The following ABCC11 variants were observed in gnomAD, a reference collection of about 807,000 sequenced individuals.
ABCC11 encodes the protein ATP binding cassette subfamily C member 11.
Under a neutral mutation model 149.3 loss-of-function variants are expected in ABCC11, and 135 were observed. The observed-to-expected ratio is 0.90, with a 90% CI of 0.79 to 1.04. ABCC11 has a LOEUF of 1.04. Ranked by LOEUF, ABCC11 falls within the 50% of genes least tolerant of loss-of-function variation. The probability of loss-of-function intolerance (pLI) is 0.00; values close to 1 mark genes in which losing one functional copy is unlikely to be tolerated. For missense variants in ABCC11, 1,680 were observed against 1,722.1 expected (o/e 0.98, Z 0.43); for synonymous variants, 665 against 671.4 (o/e 0.99, Z 0.15).
rs1231194540 is a variant in ABCC11 at position 48,216,113 on chromosome 16, C to T, written c.951+1G>A. The T allele has an allele frequency of 4.3e-6, 7 of 1,613,368 alleles. No homozygotes were observed. The Admixed American group carries it at 1.2e-4, about 27-fold the overall frequency. On this transcript the variant is annotated splice_donor_variant, in intron 7 of 29. Transcript: ENST00000356608. LOFTEE classifies it high-confidence loss of function. The stretch of plus-strand genomic sequence containing the variant: ...AAATGGGTGACAGAGAAAGACATTA[C>T]CGCCAGTGGGAAAACCAGGAGATAG...
intron 6 of ABCC11, 37 bp from the exon 7 acceptor site, chr16:48,216,324 TC>T: frequency 6.3e-7 from 1 of 1,596,738 alleles, no homozygotes; most frequent in South Asian, 1.1e-5. Flanking sequence ...AGATGTCACC[TC>T]CCTGGGTACA....
chr16:48,188,894 CAAAG>C (rs1200784424), intron 20 of ABCC11, among the ~76,000 whole-genome samples: 1 of 152,110 alleles, frequency 6.6e-6, no homozygotes, highest in Non-Finnish European at 1.5e-5. Flanking sequence ...AAGCCAAACT[CAAAG>C]AAAGAGGAGG....
chr16:48,167,131 T>TC lies in ABCC11; in HGVS notation c.*142dup. 73 of 595,578 alleles carry TC rather than the reference T, an allele frequency of 1.2e-4. No individual in the cohort carries two copies. The highest frequency in any genetic ancestry group is 2.8e-4 in the South Asian group (16 of 56,356). 36.9% of individuals were successfully genotyped at this position (595,578 alleles called of 1,614,324 possible). A position where few individuals can be genotyped will look rare whatever the true frequency, so the allele number is the denominator to read the frequency against. ...CTATTCCAGGGTTTCCATCCAGCAA[T>TC]CCCCACCCCCCCTACATTTACCCCT... On this transcript the variant is annotated 3_prime_UTR_variant, in exon 30 of 30. Transcript: ENST00000356608.
chr16:48,200,285 G>C lies in ABCC11; in HGVS notation c.2073C>G (p.His691Gln). ...LRGKTVVLVT[H>Q]QLQYLEFCGQ... ...CTGGAAGGGTGCTAACCTGCAGCTG[G>C]TGGGTCACCAGGACGACCGTCTTCC... Residue 691 changes from histidine (H) to glutamine (Q), a missense_variant, in exon 15 of 30, where the codon CAC (histidine) becomes CAG (glutamine). Transcript: ENST00000356608. 6.2e-7 allele frequency: 1 copy of C among 1,614,166 alleles called. No homozygotes were observed. The highest frequency in any genetic ancestry group is 8.5e-7 in the Non-Finnish European group (1 of 1,180,010).
At chr16:48,180,216 G>A (rs1966342751) in intron 23 of ABCC11, among the ~76,000 whole-genome samples, 1 of 152,246 alleles carries the variant, frequency 6.6e-6, no homozygotes, top group African/African-American at 2.4e-5. Flanking sequence ...GTTGAAGGAT[G>A]AGAAGGCATC....
chr16:48,229,955 ATTC>A (rs1195017093), intron 3 of ABCC11, among the ~76,000 whole-genome samples: 2 of 151,970 alleles, frequency 1.3e-5, no homozygotes, highest in African/African-American at 4.8e-5. Flanking sequence ...TTCCTTGATC[ATTC>A]TTCTCCTACT....
intron 10 of ABCC11, among the ~76,000 whole-genome samples, chr16:48,211,739 C>T (rs1454297329): frequency 6.6e-6 from 1 of 152,040 alleles, no homozygotes; most frequent in African/African-American, 2.4e-5. Context: ...CCGTGTCCCA[C>T]ACTGGGGAAA....
At chr16:48,182,161 GACATACATGCACTCCAGC>G (rs1312133166) in intron 23 of ABCC11, among the ~76,000 whole-genome samples, 1 of 152,180 alleles carries the variant, frequency 6.6e-6, no homozygotes, top group East Asian at 1.9e-4. Flanking sequence ...TGTGCTCATG[GACATACATGCACTCCAGC>G]ACATACATGC....
In ABCC11 at chr16:48,231,836, G is replaced by A. The variant is rs1485528294; in HGVS notation, c.86C>T (p.Ser29Leu). The A allele has an allele frequency of 1.2e-6, 2 of 1,614,024 alleles. No homozygotes were observed. The highest frequency in any genetic ancestry group is 1.7e-6 in the Non-Finnish European group (2 of 1,180,012). The change falls in exon 2 of 30, where the codon TCA (serine) becomes TTA (leucine). Residue 29 changes from serine (S) to leucine (L), a missense_variant. Physicochemically the swap from Ser to Leu is moderately radical, Grantham distance 145. Coordinates refer to ENST00000356608, the MANE Select transcript of ABCC11 (RefSeq NM_001370497.1). ...RGIDIGDDMV[S>L]GLIYKTYTLQ... is the part of the protein sequence containing the mutation. ...AGATCTACTTACATAAATAAGTCCT[G>A]AAACCATGTCATCGCCTATGTCGAT...
chr16:48,177,198 G>A (rs1343639434), intron 24 of ABCC11, 85 bp from the exon 25 acceptor site: 8 of 1,429,828 alleles, frequency 5.6e-6, no homozygotes, highest in Non-Finnish European at 7.6e-6. Context: ...TCCCGCTGTA[G>A]GGGGTGTGAC....
At chr16:48,222,257 T>C (rs1969794259) in intron 6 of ABCC11, among the ~76,000 whole-genome samples, 1 of 151,862 alleles carries the variant, frequency 6.6e-6, no homozygotes, top group Non-Finnish European at 1.5e-5. Flanking sequence ...TTTTGTTTTT[T>C]GGTAGAGACG....
intron 6 of ABCC11, among the ~76,000 whole-genome samples, chr16:48,218,727 C>G (rs995662260): frequency 1.4e-4 from 21 of 152,176 alleles, no homozygotes; most frequent in Non-Finnish European, 7.3e-5. Context: ...CCTACACAAG[C>G]TCTCTCAGTC....
At chr16:48,202,112 C>T (rs887973904) in intron 14 of ABCC11, among the ~76,000 whole-genome samples, 2 of 152,220 alleles carry the variant, frequency 1.3e-5, no homozygotes, top group African/African-American at 4.8e-5. Flanking sequence ...TGTGCTCTTA[C>T]AATAATAGTT....
intron 23 of ABCC11, among the ~76,000 whole-genome samples, chr16:48,182,913 G>A (rs1054570164): frequency 2.0e-5 from 3 of 152,158 alleles, no homozygotes; most frequent in African/African-American, 7.2e-5. Flanking sequence ...TCTGTAAAAG[G>A]GAGATAATAA....
chr16:48,167,560 A>G lies in ABCC11; in HGVS notation c.3992T>C (p.Val1331Ala). The G allele has an allele frequency of 6.2e-7, 1 of 1,614,174 alleles. No homozygotes were observed. The highest frequency in any genetic ancestry group is 8.5e-7 in the Non-Finnish European group (1 of 1,180,028). ...CACAGTGGTGACACGGTGGGCAATG[A>G]CGAGCACGGTGCAGCCCTGGAAGGC... ...REAFQGCTVL[V>A]IAHRVTTVLN... The change falls in exon 29 of 30, where the codon GTC (valine) becomes GCC (alanine). Residue 1331 changes from valine (V) to alanine (A), a missense_variant. Coordinates refer to ENST00000356608, the MANE Select transcript of ABCC11 (RefSeq NM_001370497.1).
At position 48,175,242 on chromosome 16, in the gene ABCC11, C is replaced by T. The variant is rs2150728148; in HGVS notation, c.3698+16G>A. On this transcript the variant is annotated intron_variant, in intron 26 of 29. Coordinates refer to ENST00000356608, the MANE Select transcript of ABCC11 (RefSeq NM_001370497.1). ...TGACCCACCTCCTGCAGGCTGCCTG[C>T]TGGCCCGGCACTCACCTGATGGTTC... 6.3e-7 allele frequency: 1 copy of T among 1,592,894 alleles called. No individual in the cohort carries two copies. Among genetic ancestry groups the T allele is most frequent in the Non-Finnish European group, 8.6e-7 (1 of 1,162,764 alleles).
intron 4 of ABCC11, among the ~76,000 whole-genome samples, chr16:48,226,047 T>G (rs1195191906): frequency 1.4e-5 from 2 of 144,994 alleles, no homozygotes; most frequent in South Asian, 2.1e-4. Flanking sequence ...GGTTACCTAT[T>G]AAGCATCAAG....
At chr16:48,222,871 G>T (rs1466942390) in intron 5 of ABCC11, 40 bp from the exon 6 acceptor site, 4 of 1,515,010 alleles carry the variant, frequency 2.6e-6, no homozygotes, top group Non-Finnish European at 2.7e-6. Flanking sequence ...AGACCACCCT[G>T]CCAGACACGT....
At chr16:48,199,144 A>G (rs2150813705) in intron 15 of ABCC11, among the ~76,000 whole-genome samples, 1 of 151,920 alleles carries the variant, frequency 6.6e-6, no homozygotes, top group East Asian at 1.9e-4. Flanking sequence ...AGGACACAGA[A>G]AGTAAAAAAT....
Sources: allele counts gnomAD v4.1 joint callset (sites outside exome capture counted in the v4.1 genomes callset), GRCh38; gene constraint gnomAD v4.1.1; transcripts MANE v1.5; gene names NCBI Gene and HGNC (gene_info 2026-07-23, HGNC 2026-07-21).